Variants in SGCD observed in about 807,000 individuals in gnomAD.
SGCD encodes delta-sarcoglycan.
In SGCD, 18 loss-of-function variants were observed where a neutral mutation model predicts 36.6. The observed-to-expected ratio is 0.49, with a 90% CI of 0.34 to 0.73. The LOEUF is 0.73. Among genes scored for constraint, SGCD ranks in the 30% least tolerant of loss-of-function variants. The pLI is 0.01. For synonymous variants in SGCD, 133 were observed against 130.6 expected (o/e 1.02, Z -0.12); for missense variants, 387 against 346.7 (o/e 1.12, Z -0.92).
At chr5:156,740,282 T>C (rs1295189305) in intron 7 of SGCD, among the ~76,000 whole-genome samples, 2 of 152,198 alleles carry the variant, frequency 1.3e-5, no homozygotes, top group Non-Finnish European at 2.9e-5. Flanking sequence ...TTAGTGTTGA[T>C]CAAACAGCAC....
Position 155,906,540 on chromosome 5 carries a change from A to T in SGCD, c.-282+36116A>T, listed in dbSNP as rs540094834. On this transcript the variant is annotated intron_variant, in intron 1 of 9. Coordinates refer to the SGCD transcript ENST00000517913. ...CTACTCTGATGAACACACAAGTGATAAGAAAGCAAAACCACCTATTGCTGA... is the reference window on the plus strand; with the variant it reads ...CTACTCTGATGAACACACAAGTGATTAGAAAGCAAAACCACCTATTGCTGA... Among the ~76,000 whole-genome samples, 240 of 152,198 alleles carry T rather than the reference A, an allele frequency of 1.6e-3. 1 individual carries two copies. The highest frequency in any genetic ancestry group is 3.2e-3 in the Non-Finnish European group (217 of 68,022).
At chr5:156,016,858 A>G (rs1299163120) in intron 1 of SGCD, among the ~76,000 whole-genome samples, 1 of 152,146 alleles carries the variant, frequency 6.6e-6, no homozygotes, top group Non-Finnish European at 1.5e-5. Flanking sequence ...GTTGCAATAA[A>G]TGACCTTGTG....
At chr5:156,271,832 C>T (rs1581209700) in intron 3 of SGCD, among the ~76,000 whole-genome samples, 1 of 152,090 alleles carries the variant, frequency 6.6e-6, no homozygotes, top group South Asian at 2.1e-4. Context: ...GCAGCAGGTG[C>T]AGTGGATAGC....
chr5:156,236,721 T>TA (rs1306217358), intron 3 of SGCD, among the ~76,000 whole-genome samples: 1 of 152,148 alleles, frequency 6.6e-6, no homozygotes, highest in Non-Finnish European at 1.5e-5. Flanking sequence ...GTGCTGGGAT[T>TA]ACAGGTGTGA....
chr5:156,124,105 C>G (rs939172417), intron 3 of SGCD: 1 of 152,226 alleles, frequency 6.6e-6, no homozygotes, highest in Admixed American at 6.5e-5. Flanking sequence ...TCTCCTCCCC[C>G]TTTCCCTGAC....
intron 3 of SGCD, among the ~76,000 whole-genome samples, chr5:156,452,486 C>T (rs529391384): frequency 6.6e-5 from 10 of 152,210 alleles, no homozygotes; most frequent in African/African-American, 2.2e-4. Context: ...AAACAAAGTA[C>T]CCTCCTTAGG....
At chr5:156,009,400 A>C (rs1758814613) in intron 1 of SGCD, among the ~76,000 whole-genome samples, 2 of 152,108 alleles carry the variant, frequency 1.3e-5, no homozygotes, top group Admixed American at 6.5e-5. Flanking sequence ...CCTGGTCAAG[A>C]TCTTGGCCAA....
chr5:156,161,967 A>G (rs900728857), intron 3 of SGCD, among the ~76,000 whole-genome samples: 2 of 151,318 alleles, frequency 1.3e-5, no homozygotes, highest in African/African-American at 4.9e-5. Context: ...TTTATTGTTA[A>G]TTTCAGGTCA....
intron 1 of SGCD, among the ~76,000 whole-genome samples, chr5:155,893,572 A>G (rs1309625006): frequency 6.6e-6 from 1 of 152,228 alleles, no homozygotes; most frequent in African/African-American, 2.4e-5. Flanking sequence ...AGGCATAATG[A>G]AGATGGAAAA....
chr5:155,808,707 T>A, the SGCD span, among the ~76,000 whole-genome samples: 1 of 152,250 alleles, frequency 6.6e-6, no homozygotes, highest in African/African-American at 2.4e-5. Flanking sequence ...CTGGCTTTAG[T>A]AGAACTCTTG....
intron 3 of SGCD, among the ~76,000 whole-genome samples, chr5:156,145,363 C>T (rs1400879266): frequency 6.6e-6 from 1 of 152,146 alleles, no homozygotes; most frequent in Non-Finnish European, 1.5e-5. Flanking sequence ...TTCTGTACAG[C>T]CTACAGAATC....
intron 4 of SGCD, among the ~76,000 whole-genome samples, chr5:156,524,378 T>C (rs900614288): frequency 6.7e-6 from 1 of 149,286 alleles, no homozygotes; most frequent in Non-Finnish European, 1.5e-5. Flanking sequence ...CATTCCTTAC[T>C]TCTTGTTTCT....
At chr5:156,325,821 T>C (rs1767793023), upstream of SGCD, among the ~76,000 whole-genome samples, 1 of 152,120 alleles carries the variant, frequency 6.6e-6, no homozygotes, top group Non-Finnish European at 1.5e-5. Flanking sequence ...CATCTTGACC[T>C]TAGATGTGCA....
chr5:155,775,583 A>C, the SGCD span, among the ~76,000 whole-genome samples: 1 of 152,168 alleles, frequency 6.6e-6, no homozygotes, highest in Non-Finnish European at 1.5e-5. Context: ...TTTAGCTAGC[A>C]CAGCACTTTT....
intron 2 of SGCD, among the ~76,000 whole-genome samples, chr5:156,338,835 C>T (rs1050203439): frequency 6.6e-6 from 1 of 152,112 alleles, no homozygotes; most frequent in African/African-American, 2.4e-5. Flanking sequence ...AGAAGTTACA[C>T]AGGGCCACAC....
chr5:155,784,287 C>T, the SGCD span, among the ~76,000 whole-genome samples: 1 of 152,082 alleles, frequency 6.6e-6, no homozygotes, highest in Non-Finnish European at 1.5e-5. Context: ...ATAGACAGGG[C>T]ATGTCTGAAG....
At chr5:156,753,912 T>C (rs1757245244) in intron 7 of SGCD, among the ~76,000 whole-genome samples, 1 of 152,188 alleles carries the variant, frequency 6.6e-6, no homozygotes, top group African/African-American at 2.4e-5. Flanking sequence ...TTTATCTCAG[T>C]GGAAAGACTA....
intron 1 of SGCD, among the ~76,000 whole-genome samples, chr5:155,909,593 A>G (rs971604742): frequency 2.0e-5 from 3 of 152,154 alleles, no homozygotes. Flanking sequence ...GAGATTATAG[A>G]GTATTTTAGA....
At chr5:156,499,351 T>C (rs1756350224) in intron 3 of SGCD, among the ~76,000 whole-genome samples, 1 of 152,214 alleles carries the variant, frequency 6.6e-6, no homozygotes, top group South Asian at 2.1e-4. Context: ...TGCAATTAGA[T>C]ATTTAGGTAT....
Sources: gnomAD v4.1 joint callset for allele counts (sites outside exome capture counted in the v4.1 genomes callset) on GRCh38, gnomAD v4.1.1 for gene constraint, MANE v1.5 for transcripts, NCBI Gene and HGNC (gene_info 2026-07-23, HGNC 2026-07-21) for gene names.